The following DCDC1 variants were observed in gnomAD, a reference collection of about 807,000 sequenced individuals.
DCDC1 encodes doublecortin domain containing 1, also known as doublecortin domain-containing protein 1.
A neutral mutation model predicts 178.3 loss-of-function variants in DCDC1; 200 were observed. The ratio of observed to expected loss-of-function variants is 1.12; its 90% confidence interval spans 1.00 to 1.26. The LOEUF (loss-of-function observed/expected upper bound fraction) is 1.26. DCDC1 is among the 50% of genes most tolerant of loss of function. The pLI is 0.00. For synonymous variants in DCDC1, 690 were observed against 604.8 expected (o/e 1.14, Z -2.07); for missense variants, 1,983 against 1,749.2 (o/e 1.13, Z -2.38).
At chr11:31,043,434 A>C (rs1954611645) in intron 20 of DCDC1, among the ~76,000 whole-genome samples, 2 of 152,194 alleles carry the variant, frequency 1.3e-5, no homozygotes. Context: ...GAAAAGTTGG[A>C]GAAGTATCAG....
intron 38 of DCDC1, among the ~76,000 whole-genome samples, chr11:30,874,201 T>C (rs1271925431): frequency 6.6e-6 from 1 of 152,150 alleles, no homozygotes; most frequent in African/African-American, 2.4e-5. Flanking sequence ...CTAAAACTCT[T>C]GGCAAAGTTT....
intron 8 of DCDC1, among the ~76,000 whole-genome samples, chr11:31,249,052 T>A (rs1458546331): frequency 6.6e-6 from 1 of 152,042 alleles, no homozygotes; most frequent in Non-Finnish European, 1.5e-5. Context: ...GTTCTAAGGC[T>A]GAAAAATAAG....
chr11:31,240,557 T>C (rs1229600563), intron 9 of DCDC1, among the ~76,000 whole-genome samples: 1 of 151,970 alleles, frequency 6.6e-6, no homozygotes, highest in African/African-American at 2.4e-5. Flanking sequence ...CCCCTTCCTC[T>C]CTGCAAGCAG....
intron 1 of DCDC1, among the ~76,000 whole-genome samples, chr11:31,367,486 G>C (rs1591882281): frequency 6.6e-6 from 1 of 152,202 alleles, no homozygotes; most frequent in East Asian, 1.9e-4. Context: ...AATGTTTAAT[G>C]TATGGAGATA....
chr11:31,229,584 G>C (rs1975490476), intron 9 of DCDC1, among the ~76,000 whole-genome samples: 2 of 152,070 alleles, frequency 1.3e-5, no homozygotes, highest in African/African-American at 2.4e-5. Flanking sequence ...TGAATAATCA[G>C]ACATGAGACC....
intron 9 of DCDC1, among the ~76,000 whole-genome samples, chr11:31,181,704 C>G (rs1244887012): frequency 2.6e-5 from 4 of 152,220 alleles, no homozygotes; most frequent in African/African-American, 9.6e-5. Flanking sequence ...ACAGAAAGCC[C>G]ACCCTAAGGT....
rs540505870 is a variant in DCDC1 at position 30,905,887 on chromosome 11, A to G, written c.4104+653T>C. On this transcript the variant is annotated intron_variant, in intron 30 of 38. Coordinates refer to ENST00000684477, the MANE Select transcript of DCDC1 (RefSeq NM_001387274.1). ...AAGGGAGGAGGGTGATCTGGGGATG[A>G]GGTGAGCAAGCCCTGAAGAGCACAC... Among the ~76,000 whole-genome samples the G allele has an allele frequency of 1.2e-4, 18 of 152,318 alleles. 1 individual carries two copies. The highest frequency in any genetic ancestry group is 7.2e-4 in the Admixed American group (11 of 15,292).
At chr11:31,201,572 T>TC (rs1454579469) in intron 9 of DCDC1, among the ~76,000 whole-genome samples, 9 of 151,808 alleles carry the variant, frequency 5.9e-5, no homozygotes, top group Non-Finnish European at 2.9e-5. Context: ...TACCCTTTTT[T>TC]CCCACCTATG....
Position 31,334,438 on chromosome 11 carries a change from G to A in DCDC1, c.-7+1009C>T, listed in dbSNP as rs543569884. Among the ~76,000 whole-genome samples the A allele has an allele frequency of 2.4e-4, 37 of 152,316 alleles. No homozygotes were observed. In the South Asian group the frequency reaches 6.0e-3, roughly 25 times the overall value. On this transcript the variant is annotated intron_variant, in intron 2 of 38. Coordinates refer to ENST00000684477, the MANE Select transcript of DCDC1 (RefSeq NM_001387274.1). The stretch of plus-strand genomic sequence containing the variant: ...TGTTCCATTGCTGGCGAGGAGCTGC[G>A]ATGCTTTGGAGGAGAAGAGGTGCTC...
chr11:31,109,249 C>A (rs1174176098), intron 12 of DCDC1, among the ~76,000 whole-genome samples: 1 of 151,548 alleles, frequency 6.6e-6, no homozygotes, highest in Non-Finnish European at 1.5e-5. Context: ...CCCCGAGTAA[C>A]TGGGACTACA....
At chr11:31,097,044 ACTG>A (rs1958208193) in intron 15 of DCDC1, among the ~76,000 whole-genome samples, 12 of 152,356 alleles carry the variant, frequency 7.9e-5, no homozygotes, top group African/African-American at 2.9e-4. Context: ...TTTAAGTCTT[ACTG>A]AGAATCAAAA....
intron 9 of DCDC1, among the ~76,000 whole-genome samples, chr11:31,201,981 T>C (rs1461057262): frequency 1.3e-5 from 2 of 152,190 alleles, no homozygotes; most frequent in Non-Finnish European, 2.9e-5. Flanking sequence ...AAAATGGTAT[T>C]TGCTTTTAAA....
chr11:31,271,262 T>G (rs79352197), intron 7 of DCDC1, among the ~76,000 whole-genome samples: 3,137 of 152,322 alleles, frequency 0.021, 97 homozygotes, highest in African/African-American at 0.07. Context: ...TGCTCCTATC[T>G]AAGGCCAATA....
chr11:31,301,580 G>T (rs1948118921), intron 6 of DCDC1, among the ~76,000 whole-genome samples: 1 of 152,142 alleles, frequency 6.6e-6, no homozygotes, highest in Non-Finnish European at 1.5e-5. Context: ...ATGAATCCAG[G>T]TTCATTAAAT....
At chr11:31,348,844 G>C (rs980028048) in intron 1 of DCDC1, among the ~76,000 whole-genome samples, 8 of 152,062 alleles carry the variant, frequency 5.3e-5, no homozygotes, top group Non-Finnish European at 1.2e-4. Context: ...CTACCTTCCT[G>C]GTGTTGTGTA....
intron 21 of DCDC1, among the ~76,000 whole-genome samples, chr11:30,935,734 A>C (rs1478658815): frequency 1.3e-5 from 2 of 152,082 alleles, no homozygotes; most frequent in Non-Finnish European, 2.9e-5. Flanking sequence ...TTGTATTTTT[A>C]GTAGAGATGG....
chr11:31,195,893 T>C (rs185719127), intron 9 of DCDC1, among the ~76,000 whole-genome samples: 13 of 152,162 alleles, frequency 8.5e-5, no homozygotes, highest in Admixed American at 7.9e-4. Flanking sequence ...ACTGAGAACC[T>C]AGGTAATTTT....
chr11:30,987,788 A>T (rs1175673697), intron 20 of DCDC1, among the ~76,000 whole-genome samples: 5 of 152,170 alleles, frequency 3.3e-5, no homozygotes, highest in Non-Finnish European at 7.4e-5. Flanking sequence ...TTCTTAAAAC[A>T]TTATAAGTTT....
intron 20 of DCDC1, among the ~76,000 whole-genome samples, chr11:30,965,343 T>G (rs1247728597): frequency 6.6e-6 from 1 of 151,936 alleles, no homozygotes; most frequent in Non-Finnish European, 1.5e-5. Flanking sequence ...AAAAGAAATA[T>G]TGTGCTGGCC....
Sources: gnomAD v4.1 joint callset for allele counts (sites outside exome capture counted in the v4.1 genomes callset) on GRCh38, gnomAD v4.1.1 for gene constraint, MANE v1.5 for transcripts, NCBI Gene and HGNC (gene_info 2026-07-23, HGNC 2026-07-21) for gene names.